MARK4: variants seen among roughly 807,000 people sequenced by gnomAD.
MARK4 encodes microtubule affinity regulating kinase 4.
In MARK4, 19 loss-of-function variants were observed where a neutral mutation model predicts 81.5. The ratio of observed to expected loss-of-function variants is 0.23; its 90% CI spans 0.16 to 0.34. MARK4 has a LOEUF of 0.34. Among genes scored for constraint, MARK4 ranks in the 10% least tolerant of loss-of-function variants. The probability of loss-of-function intolerance (pLI) is 1.00; values close to 1 mark genes in which losing one functional copy is unlikely to be tolerated. For missense variants in MARK4, 772 were observed against 1,058.8 expected (o/e 0.73, Z 3.76); for synonymous variants, 436 against 439.0 (o/e 0.99, Z 0.08).
chr19:45,266,413 C>A, intron 7 of MARK4, 132 bp downstream of exon 7: 1 of 827,996 alleles, frequency 1.2e-6, no homozygotes, highest in Non-Finnish European at 2.0e-6. Context: ...GCTCTTCCCT[C>A]CACACCCAGC....
At position 45,278,151 on chromosome 19, in the gene MARK4, G is replaced by T. The variant is rs1970625722; in HGVS notation, c.906+109G>T. On this transcript the variant is annotated intron_variant, in intron 9 of 16. Coordinates refer to ENST00000262891, the MANE Select transcript of MARK4 (RefSeq NM_001199867.2). Reference sequence around the variant, plus strand: ...TCTTGACACACTTTTCCTCTCCTGTGCCCACCGAAGATCTGCTGCTGGTGA... The same window carrying T: ...TCTTGACACACTTTTCCTCTCCTGTTCCCACCGAAGATCTGCTGCTGGTGA... The T allele has an allele frequency of 7.4e-6, 11 of 1,477,946 alleles. No homozygotes were observed. The Admixed American group carries it at 1.9e-4, about 25-fold the overall frequency. The allele number at this position is 1,477,946 out of a possible 1,614,324, so 91.6% of individuals were successfully genotyped here.
intron 13 of MARK4, among the ~76,000 whole-genome samples, chr19:45,290,811 C>T (rs570309380): frequency 6.6e-6 from 1 of 152,184 alleles, no homozygotes; most frequent in Non-Finnish European, 1.5e-5. Flanking sequence ...GACTGCTAGT[C>T]CAGGTTCAGG....
At chr19:45,278,809 T>C (rs1970635381) in intron 10 of MARK4, among the ~76,000 whole-genome samples, 194 bp downstream of exon 10, 1 of 152,222 alleles carries the variant, frequency 6.6e-6, no homozygotes, top group East Asian at 1.9e-4. Flanking sequence ...TTTGCCATGT[T>C]GGCCATGCTG....
At chr19:45,279,596 T>C (rs866432933) in intron 10 of MARK4, among the ~76,000 whole-genome samples, 3 of 152,216 alleles carry the variant, frequency 2.0e-5, no homozygotes, top group Non-Finnish European at 4.4e-5. Flanking sequence ...TATTAGTAGG[T>C]TGAACACAAC....
chr19:45,262,393 C>G (rs1377875607), intron 2 of MARK4, among the ~76,000 whole-genome samples: 1 of 152,106 alleles, frequency 6.6e-6, no homozygotes, highest in African/African-American at 2.4e-5. Context: ...AGGGATAATC[C>G]TAGCACTTAT....
chr19:45,266,334 T>C, intron 7 of MARK4, 53 bp downstream of exon 7: 1 of 1,564,494 alleles, frequency 6.4e-7, no homozygotes, highest in Non-Finnish European at 8.8e-7. Context: ...CCCACAGACT[T>C]CTCCCTGCCC....
At chr19:45,257,432 G>C (rs993038371) in intron 1 of MARK4, among the ~76,000 whole-genome samples, 4 of 130,122 alleles carry the variant, frequency 3.1e-5, no homozygotes, top group Admixed American at 9.3e-5. Context: ...CACCCAGACT[G>C]TAGTGCAGTG....
At chr19:45,259,322 C>T (rs912847856) in intron 2 of MARK4, 133 bp downstream of exon 2, 1 of 932,954 alleles carries the variant, frequency 1.1e-6, no homozygotes, top group South Asian at 1.7e-5. Context: ...CTCTATGGGA[C>T]AGGTCACAAT....
intron 2 of MARK4, among the ~76,000 whole-genome samples, chr19:45,261,522 G>A (rs951051922): frequency 1.3e-5 from 2 of 152,238 alleles, no homozygotes; most frequent in Non-Finnish European, 2.9e-5. Flanking sequence ...GTGAGAATAT[G>A]AGGAAAGCTA....
intron 1 of MARK4, among the ~76,000 whole-genome samples, chr19:45,254,625 A>G (rs1401634542): frequency 1.3e-5 from 2 of 152,094 alleles, no homozygotes; most frequent in Non-Finnish European, 2.9e-5. Context: ...AAGACTGCAG[A>G]TCATAATTGG....
intron 13 of MARK4, 128 bp from the exon 14 acceptor site, chr19:45,294,221 T>C: frequency 1.3e-6 from 1 of 797,890 alleles, no homozygotes; most frequent in Non-Finnish European, 2.1e-6. Flanking sequence ...CACCATCTCC[T>C]ACTCACCCTG....
intron 1 of MARK4, among the ~76,000 whole-genome samples, chr19:45,254,110 C>A (rs978044171): frequency 3.3e-5 from 5 of 152,112 alleles, no homozygotes; most frequent in African/African-American, 9.7e-5. Context: ...GCTACAGCCA[C>A]GTGGGGTCAT....
chr19:45,258,665 A>C (rs940232994), intron 1 of MARK4, among the ~76,000 whole-genome samples: 2 of 151,024 alleles, frequency 1.3e-5, no homozygotes, highest in Non-Finnish European at 3.0e-5. Flanking sequence ...GTGCCACTGC[A>C]CTCCAGCCTG....
At chr19:45,294,321 A>C in intron 13 of MARK4, 28 bp from the exon 14 acceptor site, 1 of 1,603,988 alleles carries the variant, frequency 6.2e-7, no homozygotes, top group Non-Finnish European at 8.5e-7. Flanking sequence ...TCACCCCCTC[A>C]CTCCCTTCCT....
chr19:45,277,493 G>A (rs533078528), intron 8 of MARK4, among the ~76,000 whole-genome samples: 2 of 140,768 alleles, frequency 1.4e-5, no homozygotes, highest in South Asian at 4.4e-4. Flanking sequence ...TTGAACTCCT[G>A]GGTTCAAGCT....
At position 45,271,621 on chromosome 19, in the gene MARK4, CG is replaced by C; in HGVS notation, c.702del (p.Pro235ArgfsTer59). Reference sequence around the variant, plus strand: ...AGCTGTTTCAGGGCAAGAAGTACGACGGGCCGGAGGTGGACATCTGGAGCCT... The same window carrying C: ...AGCTGTTTCAGGGCAAGAAGTACGACGGCCGGAGGTGGACATCTGGAGCCT... Reference protein sequence around the residue: ...PELFQGKKYDGPEVDIWSLGV... With the variant: ...PELFQGKKYDXPEVDIWSLGV... On this transcript the variant is annotated frameshift_variant, in exon 8 of 17. Coordinates refer to ENST00000262891, the MANE Select transcript of MARK4 (RefSeq NM_001199867.2). LOFTEE classifies it high-confidence loss of function. The surrounding 1 kb of genome is among the most constrained non-coding windows in gnomAD (Gnocchi z 4.1). 6.2e-7 allele frequency: 1 copy of C among 1,614,232 alleles called. No homozygotes were observed. Among genetic ancestry groups the C allele is most frequent in the Non-Finnish European group, 8.5e-7 (1 of 1,180,048 alleles).
intron 15 of MARK4, chr19:45,298,197 C>T (rs751914534): frequency 1.9e-6 from 3 of 1,614,134 alleles, no homozygotes; most frequent in East Asian, 2.2e-5. Context: ...TTTCGGGCGC[C>T]TCTCTGCCCC....
chr19:45,277,989 A>C lies in MARK4; in HGVS notation c.853A>C (p.Ser285Arg). The change falls in exon 9 of 17, where the codon AGC becomes CGC. Residue 285 changes from serine (S) to arginine (R), a missense_variant. Physicochemically the swap from Ser to Arg is moderately radical, Grantham distance 110. Transcript: ENST00000262891. ...VPFYMSTDCE[S>R]ILRRFLVLNP... ...TTTCTACATGTCAACAGACTGTGAG[A>C]GCATCCTGCGGAGATTTTTGGTGCT... 2 of 1,613,898 alleles carry C rather than the reference A, an allele frequency of 1.2e-6. No homozygotes were observed. The highest frequency in any genetic ancestry group is 2.2e-5 in the South Asian group (2 of 91,058).
chr19:45,258,910 G>A, intron 1 of MARK4, 79 bp from the exon 2 acceptor site: 2 of 1,483,764 alleles, frequency 1.3e-6, no homozygotes, highest in Admixed American at 3.9e-5. Flanking sequence ...CGGTAGCCAG[G>A]CCTCAAGTTA....
Sources: allele counts gnomAD v4.1 joint callset (sites outside exome capture counted in the v4.1 genomes callset), GRCh38; gene constraint gnomAD v4.1.1; non-coding constraint Gnocchi (gnomAD v3.1); transcripts MANE v1.5; gene names NCBI Gene and HGNC (gene_info 2026-07-23, HGNC 2026-07-21).